The following MAF variants were observed in gnomAD, a reference collection of about 807,000 sequenced individuals.
The protein encoded by MAF is transcription factor Maf.
Under a neutral mutation model 22.0 loss-of-function variants are expected in MAF, and 10 were observed. The ratio of observed to expected loss-of-function variants is 0.45; its 90% CI spans 0.28 to 0.77. The LOEUF (loss-of-function observed/expected upper bound fraction) is 0.77. MAF is among the 30% of genes least tolerant of loss of function. MAF has a pLI of 0.12. For synonymous variants in MAF, 337 were observed against 255.8 expected, an observed-to-expected ratio of 1.32 and a Z score of -3.03; for missense variants, 544 against 548.4, an observed-to-expected ratio of 0.99 and a Z score of 0.08.
At chr16:79,221,569 T>C in the MAF span, among the ~76,000 whole-genome samples, 1 of 152,354 alleles carries the variant, frequency 6.6e-6, no homozygotes, top group East Asian at 1.9e-4. Context: ...TGATCCTTAT[T>C]AATAATACAA....
chr16:79,364,949 G>A, the MAF span, among the ~76,000 whole-genome samples: 4 of 152,314 alleles, frequency 2.6e-5, no homozygotes, highest in South Asian at 8.3e-4. Context: ...TCACACACAA[G>A]TGGTTCAGGG....
At chr16:79,327,264 C>T in the MAF span, among the ~76,000 whole-genome samples, 9 of 152,154 alleles carry the variant, frequency 5.9e-5, no homozygotes, top group Non-Finnish European at 1.2e-4. Context: ...AGAACTAGTT[C>T]CCAGGCTTGG....
At chr16:79,377,375 T>C in the MAF span, among the ~76,000 whole-genome samples, 11 of 152,114 alleles carry the variant, frequency 7.2e-5, no homozygotes, top group East Asian at 1.3e-3. Flanking sequence ...GATGGGGTTG[T>C]TTGTTTTTTC....
At chr16:79,426,444 T>A in the MAF span, among the ~76,000 whole-genome samples, 2 of 152,230 alleles carry the variant, frequency 1.3e-5, no homozygotes, top group Admixed American at 1.3e-4. Context: ...GACAATTACA[T>A]AAGAGTATTT....
chr16:79,436,787 C>G, the MAF span, among the ~76,000 whole-genome samples: 1 of 152,180 alleles, frequency 6.6e-6, no homozygotes, highest in Non-Finnish European at 1.5e-5. Flanking sequence ...GAAACATGAG[C>G]TGGGTCTCCA....
chr16:79,481,191 C>T, the MAF span, among the ~76,000 whole-genome samples: 3 of 151,436 alleles, frequency 2.0e-5, no homozygotes, highest in East Asian at 1.9e-4. Context: ...CTCTCCAGGA[C>T]GGGAACTCAC....
chr16:79,414,497 G>A, the MAF span, among the ~76,000 whole-genome samples: 4 of 152,292 alleles, frequency 2.6e-5, no homozygotes, highest in African/African-American at 9.6e-5. Context: ...CATTCATGAG[G>A]GATCTGCCTC....
At chr16:79,479,078 T>A in the MAF span, among the ~76,000 whole-genome samples, 2 of 149,652 alleles carry the variant, frequency 1.3e-5, no homozygotes, top group Admixed American at 1.3e-4. Context: ...CACATTGGTA[T>A]AGCATTCTAG....
the MAF span, among the ~76,000 whole-genome samples, chr16:79,420,610 G>A: frequency 6.6e-6 from 1 of 151,524 alleles, no homozygotes; most frequent in Admixed American, 6.6e-5. Context: ...CATCATTACC[G>A]CCCAGAGTTT....
At chr16:79,319,592 T>C in the MAF span, among the ~76,000 whole-genome samples, 10,257 of 152,282 alleles carry the variant, frequency 0.067, 1,130 homozygotes, top group East Asian at 0.42. Flanking sequence ...AATAATGCAC[T>C]TTAAAACAGA....
the MAF span, among the ~76,000 whole-genome samples, chr16:79,402,525 C>T: frequency 6.6e-5 from 10 of 152,106 alleles, no homozygotes; most frequent in East Asian, 1.9e-4. Context: ...GTGGGTGTGA[C>T]GGGGGAGAGG....
chr16:79,581,859 G>C (rs1188126413), downstream of MAF, among the ~76,000 whole-genome samples: 1 of 152,146 alleles, frequency 6.6e-6, no homozygotes, highest in East Asian at 1.9e-4. Context: ...GTCACTGCTC[G>C]GTGGCCACCT....
At chr16:79,590,208 A>AG (rs1279987146), downstream of MAF, among the ~76,000 whole-genome samples, 1 of 147,514 alleles carries the variant, frequency 6.8e-6, no homozygotes, top group Non-Finnish European at 1.5e-5. Flanking sequence ...AGGTTGGCGG[A>AG]GGGGGGGATG....
chr16:79,567,113 T>C, the MAF span, among the ~76,000 whole-genome samples: 1 of 152,132 alleles, frequency 6.6e-6, no homozygotes, highest in African/African-American at 2.4e-5. Context: ...AGGTCAGGAG[T>C]TCGAGACCAG....
the MAF span, among the ~76,000 whole-genome samples, chr16:79,333,007 T>A: frequency 2.0e-5 from 3 of 152,230 alleles, no homozygotes; most frequent in African/African-American, 7.2e-5. Context: ...GCAGCTGGAC[T>A]GGCGCACAGC....
the MAF span, among the ~76,000 whole-genome samples, chr16:79,234,705 T>A: frequency 5.9e-5 from 9 of 152,156 alleles, no homozygotes; most frequent in South Asian, 6.2e-4. Context: ...TGACTTTAGA[T>A]CATCCAGGAA....
At chr16:79,230,636 C>T in the MAF span, among the ~76,000 whole-genome samples, 1 of 152,118 alleles carries the variant, frequency 6.6e-6, no homozygotes, top group African/African-American at 2.4e-5. Context: ...ATGCATACTA[C>T]ACATGGTTCC....
the MAF span, among the ~76,000 whole-genome samples, chr16:79,239,297 G>A: frequency 6.6e-6 from 1 of 152,066 alleles, no homozygotes; most frequent in Non-Finnish European, 1.5e-5. Context: ...CTTAAGTAGT[G>A]TCACTGACCA....
At chr16:79,209,572 T>G in the MAF span, among the ~76,000 whole-genome samples, 3 of 152,184 alleles carry the variant, frequency 2.0e-5, no homozygotes, top group Non-Finnish European at 4.4e-5. Context: ...CGGGAGTTAA[T>G]GGCAAGTCAC....
Sources: gnomAD v4.1 joint callset for allele counts (sites outside exome capture counted in the v4.1 genomes callset) on GRCh38, gnomAD v4.1.1 for gene constraint, MANE v1.5 for transcripts, NCBI Gene and HGNC (gene_info 2026-07-23, HGNC 2026-07-21) for gene names.